The following SGCD variants were observed in gnomAD, a reference collection of about 807,000 sequenced individuals.
The protein encoded by SGCD is delta-sarcoglycan.
Under a neutral mutation model 36.6 loss-of-function variants are expected in SGCD, and 18 were observed. The observed-to-expected ratio is 0.49, with a 90% CI of 0.34 to 0.73. The LOEUF (loss-of-function observed/expected upper bound fraction) is 0.73. SGCD is among the 30% of genes least tolerant of loss of function. The pLI, the probability that SGCD is intolerant of heterozygous loss-of-function variation, is 0.01. For synonymous variants in SGCD, 133 were observed against 130.6 expected (o/e 1.02, Z -0.12); for missense variants, 387 against 346.7 (o/e 1.12, Z -0.92).
intron 3 of SGCD, among the ~76,000 whole-genome samples, chr5:156,227,850 C>G (rs529800988): frequency 6.6e-6 from 1 of 152,154 alleles, no homozygotes; most frequent in South Asian, 2.1e-4. Flanking sequence ...TCACTATTGT[C>G]TTTCAGTTTG....
chr5:155,734,072 T>A, the SGCD span, among the ~76,000 whole-genome samples: 2 of 147,200 alleles, frequency 1.4e-5, no homozygotes, highest in Non-Finnish European at 3.0e-5. Flanking sequence ...TTATTTATTA[T>A]ATTATTATTA....
chr5:156,320,732 A>T (rs1418761730), intron 3 of SGCD, among the ~76,000 whole-genome samples: 2 of 152,228 alleles, frequency 1.3e-5, no homozygotes, highest in Admixed American at 1.3e-4. Flanking sequence ...AGATGACTTC[A>T]GCTTAGACGC....
intron 3 of SGCD, among the ~76,000 whole-genome samples, chr5:156,155,125 G>A (rs868027034): frequency 1.3e-5 from 2 of 151,606 alleles, no homozygotes; most frequent in Non-Finnish European, 2.9e-5. Context: ...TCTGGGACCA[G>A]GCTTTTCTTC....
chr5:155,822,931 T>C, the SGCD span, among the ~76,000 whole-genome samples: 1 of 152,140 alleles, frequency 6.6e-6, no homozygotes, highest in African/African-American at 2.4e-5. Flanking sequence ...CCCAAACCCA[T>C]GGCCATTGGA....
the SGCD span, among the ~76,000 whole-genome samples, chr5:155,728,742 G>A: frequency 6.6e-6 from 1 of 151,980 alleles, no homozygotes. Flanking sequence ...CCCCAGAGCC[G>A]CCAACTTCCC....
chr5:156,238,261 G>A (rs142712689), intron 3 of SGCD, among the ~76,000 whole-genome samples: 2 of 152,096 alleles, frequency 1.3e-5, no homozygotes, highest in African/African-American at 2.4e-5. Context: ...ATAGTTTTAC[G>A]TATCTAATTT....
At chr5:156,445,177 T>G (rs1432272349) in intron 3 of SGCD, among the ~76,000 whole-genome samples, 1 of 152,174 alleles carries the variant, frequency 6.6e-6, no homozygotes, top group Non-Finnish European at 1.5e-5. Flanking sequence ...GTTTGACTAC[T>G]CTGACCTAAA....
intron 1 of SGCD, among the ~76,000 whole-genome samples, chr5:155,982,501 A>G (rs1310445440): frequency 3.9e-5 from 6 of 152,156 alleles, no homozygotes; most frequent in Non-Finnish European, 7.3e-5. Flanking sequence ...TGCTTGGGCC[A>G]GTAGGATTTG....
At chr5:156,192,647 T>C (rs1213797495) in intron 3 of SGCD, among the ~76,000 whole-genome samples, 1 of 151,912 alleles carries the variant, frequency 6.6e-6, no homozygotes, top group Non-Finnish European at 1.5e-5. Context: ...AAAGAAATGA[T>C]AAATTCTCAG....
chr5:156,582,116 T>C (rs1760287358), intron 4 of SGCD, among the ~76,000 whole-genome samples: 2 of 152,158 alleles, frequency 1.3e-5, no homozygotes, highest in Non-Finnish European at 2.9e-5. Flanking sequence ...TTATATATTA[T>C]GGGAAAGTTT....
intron 4 of SGCD, among the ~76,000 whole-genome samples, chr5:156,578,242 C>T (rs141722132): frequency 1.6e-3 from 249 of 152,260 alleles, no homozygotes; most frequent in Non-Finnish European, 1.9e-3. Flanking sequence ...GTTGAACCAG[C>T]CTTGCATCCC....
In SGCD at chr5:156,423,465, TAAA is replaced by T. The variant is rs1156654375; in HGVS notation, c.192+78789_192+78791del. Among the ~76,000 whole-genome samples, 6 of 110,232 alleles carry T rather than the reference TAAA, an allele frequency of 5.4e-5. No individual in the cohort carries two copies. In the East Asian group the frequency reaches 1.2e-3, roughly 23 times the overall value. 72.3% of individuals were successfully genotyped at this position (110,232 alleles called of 152,430 possible). The stretch of plus-strand genomic sequence containing the variant: ...ATTTATTTTATTATAATATATTAAT[TAAA>T]TAATAATTAATTAATATTAAATTGG... On this transcript the variant is annotated intron_variant, in intron 3 of 8. Transcript: ENST00000337851.
chr5:156,166,088 G>GT (rs11377665), intron 3 of SGCD, among the ~76,000 whole-genome samples: 96,007 of 151,878 alleles, frequency 0.63, 30,972 homozygotes, highest in East Asian at 0.94. Flanking sequence ...TCCGGTGTCT[G>GT]TATTATTTGT....
the SGCD span, among the ~76,000 whole-genome samples, chr5:155,792,706 T>C: frequency 1.3e-5 from 2 of 152,090 alleles, no homozygotes; most frequent in African/African-American, 2.4e-5. Flanking sequence ...CACAATGAGA[T>C]ACCATCTCAC....
At chr5:155,782,032 T>G in the SGCD span, among the ~76,000 whole-genome samples, 3,153 of 147,604 alleles carry the variant, frequency 0.021, 111 homozygotes, top group African/African-American at 0.077. Flanking sequence ...TTTTCTTTTT[T>G]TTTTTTTTTT....
chr5:156,506,368 GAC>G (rs147030455), intron 3 of SGCD, among the ~76,000 whole-genome samples: 2 of 150,000 alleles, frequency 1.3e-5, no homozygotes, highest in Non-Finnish European at 1.5e-5. Flanking sequence ...CACACACACA[GAC>G]ACACACACAC....
chr5:156,057,079 G>T (rs1344560776), intron 1 of SGCD, among the ~76,000 whole-genome samples: 1 of 146,490 alleles, frequency 6.8e-6, no homozygotes, highest in Non-Finnish European at 1.5e-5. Flanking sequence ...CAGTAATAAA[G>T]AATAAATAGA....
At position 156,035,493 on chromosome 5, in the gene SGCD, G is replaced by A. The variant is rs138777583; in HGVS notation, c.-281-82385G>A. Among the ~76,000 whole-genome samples the A allele has an allele frequency of 3.6e-3, 546 of 152,112 alleles. 13 individuals are homozygous for A. The East Asian group carries it at 0.072, about 20-fold the overall frequency. On this transcript the variant is annotated intron_variant, in intron 1 of 9. Coordinates refer to the SGCD transcript ENST00000517913. ...GGTATGGTGGCACATGCCTATATTT[G>A]CAGTTACTCAGGAGGCTAAGGTGGG... is the stretch of plus-strand genomic sequence containing the variant.
chr5:156,531,127 G>T (rs966887067), intron 4 of SGCD, among the ~76,000 whole-genome samples: 1 of 152,118 alleles, frequency 6.6e-6, no homozygotes, highest in Non-Finnish European at 1.5e-5. Context: ...CAGAGGTTTC[G>T]TGCAGTGTTT....
Sources: gnomAD v4.1 joint callset for allele counts (sites outside exome capture counted in the v4.1 genomes callset) on GRCh38, gnomAD v4.1.1 for gene constraint, MANE v1.5 for transcripts, NCBI Gene and HGNC (gene_info 2026-07-23, HGNC 2026-07-21) for gene names.